The following FBXL7 variants were observed in gnomAD, a reference collection of about 807,000 sequenced individuals.
The protein encoded by FBXL7 is F-box and leucine rich repeat protein 7, also known as F-box/LRR-repeat protein 7.
FBXL7 carries 12 observed loss-of-function variants against 38.3 expected under a neutral mutation model. That is an observed-to-expected ratio of 0.31 (90% CI 0.20 to 0.51). FBXL7 has a LOEUF of 0.51. FBXL7 is among the 20% of genes least tolerant of loss of function. The pLI is 0.98. For missense variants in FBXL7, 567 were observed against 676.4 expected, an observed-to-expected ratio of 0.84 and a Z score of 1.79; for synonymous variants, 297 against 300.9, an observed-to-expected ratio of 0.99 and a Z score of 0.13.
intron 1 of FBXL7, among the ~76,000 whole-genome samples, chr5:15,506,164 A>G (rs1303737612): frequency 1.3e-5 from 2 of 151,240 alleles, no homozygotes; most frequent in Non-Finnish European, 1.5e-5. Flanking sequence ...GAAGCCGTTT[A>G]TGACTTCTTG....
chr5:15,589,733 A>G (rs1280462787), intron 1 of FBXL7, among the ~76,000 whole-genome samples: 1 of 152,230 alleles, frequency 6.6e-6, no homozygotes, highest in African/African-American at 2.4e-5. Context: ...GTGGGGTAAC[A>G]TCAGGCCATG....
chr5:15,628,585 G>A (rs561502349), intron 2 of FBXL7, among the ~76,000 whole-genome samples: 12 of 152,252 alleles, frequency 7.9e-5, no homozygotes, highest in African/African-American at 2.6e-4. Flanking sequence ...CACAACTAAA[G>A]CCAACTTCTG....
At chr5:15,750,664 T>G (rs1189963294) in intron 2 of FBXL7, among the ~76,000 whole-genome samples, 2 of 152,144 alleles carry the variant, frequency 1.3e-5, no homozygotes, top group African/African-American at 2.4e-5. Flanking sequence ...GCCATGTCAG[T>G]CAAAAGGTTG....
chr5:15,532,046 T>C (rs1006077732), intron 1 of FBXL7, among the ~76,000 whole-genome samples: 1 of 152,254 alleles, frequency 6.6e-6, no homozygotes, highest in Admixed American at 6.5e-5. Flanking sequence ...TCACATGTTA[T>C]GTATAAAATG....
intron 2 of FBXL7, among the ~76,000 whole-genome samples, chr5:15,830,542 G>T (rs1256172752): frequency 6.7e-6 from 1 of 149,984 alleles, no homozygotes; most frequent in Non-Finnish European, 1.5e-5. Context: ...TTTTGCAAAG[G>T]TTAGACATTT....
At chr5:15,751,842 G>C (rs928331209) in intron 2 of FBXL7, among the ~76,000 whole-genome samples, 1 of 152,138 alleles carries the variant, frequency 6.6e-6, no homozygotes, top group Admixed American at 6.5e-5. Context: ...TCTCAGACTA[G>C]TATTAAACTG....
chr5:15,753,988 C>T (rs1217200459), intron 2 of FBXL7, among the ~76,000 whole-genome samples: 1 of 152,214 alleles, frequency 6.6e-6, no homozygotes, highest in East Asian at 1.9e-4. Flanking sequence ...TCAGCATTCT[C>T]ATCTACAAAA....
At chr5:15,579,758 C>G (rs1393319122) in intron 1 of FBXL7, among the ~76,000 whole-genome samples, 1 of 152,112 alleles carries the variant, frequency 6.6e-6, no homozygotes, top group African/African-American at 2.4e-5. Flanking sequence ...CAGAACTGGA[C>G]AGGACCAGCT....
intron 2 of FBXL7, among the ~76,000 whole-genome samples, chr5:15,919,679 T>C (rs907084708): frequency 8.5e-5 from 13 of 152,192 alleles, no homozygotes; most frequent in Admixed American, 8.5e-4. Flanking sequence ...CAAGAAAATA[T>C]TACATTTATA....
At chr5:15,568,544 G>T (rs547548463) in intron 1 of FBXL7, among the ~76,000 whole-genome samples, 1 of 150,386 alleles carries the variant, frequency 6.6e-6, no homozygotes, top group African/African-American at 2.4e-5. Context: ...TAGGTTGCCT[G>T]TTCACTCTGA....
intron 2 of FBXL7, among the ~76,000 whole-genome samples, chr5:15,670,233 C>T (rs1742420983): frequency 6.6e-6 from 1 of 152,220 alleles, no homozygotes; most frequent in Non-Finnish European, 1.5e-5. Flanking sequence ...TTTCTTCCAT[C>T]TGAATGAAGC....
intron 2 of FBXL7, among the ~76,000 whole-genome samples, chr5:15,819,289 T>A (rs1738105752): frequency 6.6e-6 from 1 of 152,076 alleles, no homozygotes; most frequent in Non-Finnish European, 1.5e-5. Context: ...AATTTTAATT[T>A]CTAATTATAC....
chr5:15,817,580 G>A (rs1255440540), intron 2 of FBXL7, among the ~76,000 whole-genome samples: 1 of 152,112 alleles, frequency 6.6e-6, no homozygotes, highest in African/African-American at 2.4e-5. Flanking sequence ...GTCATGGAAG[G>A]GTCCCAGTGG....
At chr5:15,808,694 C>G (rs1737779705) in intron 2 of FBXL7, among the ~76,000 whole-genome samples, 1 of 152,170 alleles carries the variant, frequency 6.6e-6, no homozygotes, top group East Asian at 1.9e-4. Flanking sequence ...TTTTGAGTTT[C>G]CCTTTCAAGA....
chr5:15,732,244 G>C (rs1735607331), intron 2 of FBXL7, among the ~76,000 whole-genome samples: 1 of 152,098 alleles, frequency 6.6e-6, no homozygotes, highest in South Asian at 2.1e-4. Context: ...TCTTTATAAT[G>C]AGGCCATGCC....
intron 2 of FBXL7, among the ~76,000 whole-genome samples, chr5:15,763,075 G>A (rs374569789): frequency 8.6e-5 from 13 of 151,998 alleles, no homozygotes; most frequent in African/African-American, 2.9e-4. Flanking sequence ...TACATCTAGC[G>A]ACCCTTCCAT....
intron 1 of FBXL7, among the ~76,000 whole-genome samples, chr5:15,525,952 T>C (rs917012237): frequency 6.6e-6 from 1 of 152,124 alleles, no homozygotes; most frequent in Admixed American, 6.6e-5. Flanking sequence ...GGACACACAC[T>C]CATACACAGA....
intron 2 of FBXL7, among the ~76,000 whole-genome samples, chr5:15,807,511 C>T (rs1737745883): frequency 6.6e-6 from 1 of 152,050 alleles, no homozygotes; most frequent in Admixed American, 6.5e-5. Context: ...GGGACAAAGC[C>T]CAGCACATGA....
At chr5:15,870,075 AC>A (rs1218744499) in intron 2 of FBXL7, among the ~76,000 whole-genome samples, 6 of 152,098 alleles carry the variant, frequency 3.9e-5, no homozygotes, top group Non-Finnish European at 8.8e-5. Context: ...GCACCACTGT[AC>A]TCCAGGATGG....
Sources: gnomAD v4.1 joint callset for allele counts (sites outside exome capture counted in the v4.1 genomes callset) on GRCh38, gnomAD v4.1.1 for gene constraint, MANE v1.5 for transcripts, NCBI Gene and HGNC (gene_info 2026-07-23, HGNC 2026-07-21) for gene names.